Variants in LARS2 observed in about 807,000 individuals in gnomAD.
The protein encoded by LARS2 is leucine--tRNA ligase, mitochondrial.
Under a neutral mutation model 116.6 loss-of-function variants are expected in LARS2, and 81 were observed. The ratio of observed to expected loss-of-function variants is 0.69; its 90% CI spans 0.58 to 0.84. The LOEUF is 0.84. Among genes scored for constraint, LARS2 ranks in the 40% least tolerant of loss-of-function variants. The pLI is 0.00. For missense variants in LARS2, 968 were observed against 1,114.5 expected (o/e 0.87, Z 1.87); for synonymous variants, 396 against 407.2 (o/e 0.97, Z 0.33).
chr3:45,414,744 G>A (rs1428587317), intron 4 of LARS2, among the ~76,000 whole-genome samples: 1 of 150,632 alleles, frequency 6.6e-6, no homozygotes, highest in Non-Finnish European at 1.5e-5. Flanking sequence ...AAAAAAAAAA[G>A]GCAGCAAAAT....
intron 6 of LARS2, among the ~76,000 whole-genome samples, chr3:45,430,280 T>C (rs1698677094): frequency 7.0e-6 from 1 of 142,838 alleles, no homozygotes; most frequent in South Asian, 2.2e-4. Flanking sequence ...CCATTTTTTT[T>C]TTTTTTTAAT....
chr3:45,493,143 A>G (rs542419571), intron 13 of LARS2, among the ~76,000 whole-genome samples: 5 of 151,508 alleles, frequency 3.3e-5, no homozygotes, highest in Admixed American at 1.3e-4. Flanking sequence ...TCTGTCGCCC[A>G]GGCTGGAGTG....
intron 10 of LARS2, among the ~76,000 whole-genome samples, chr3:45,482,072 CT>C (rs1164437602): frequency 2.6e-5 from 4 of 152,266 alleles, no homozygotes; most frequent in South Asian, 4.1e-4. Flanking sequence ...GGTCATGTTA[CT>C]TTTTAACTCA....
chr3:45,394,275 A>G (rs1294580925), intron 2 of LARS2, among the ~76,000 whole-genome samples, 158 bp from the exon 3 acceptor site: 2 of 152,262 alleles, frequency 1.3e-5, no homozygotes, highest in African/African-American at 4.8e-5. Context: ...GTTTGTGTTT[A>G]GCTCAATTGA....
At position 45,541,836 on chromosome 3, in the gene LARS2, G is replaced by A. The variant is rs777212439; in HGVS notation, c.2412G>A (p.Ala804=). ...HVTSEIWAGL[A]LVPRKLCAHY... is the part of the protein sequence containing the mutation. ...TGTGCCTCGGCATTGCAGGCCTGGC[G>A]CTGGTGCCGAGGAAGCTCTGTGCCC... The change falls in exon 21 of 22, where the codon GCG becomes GCA. Residue 804 remains alanine (A), a synonymous_variant. Coordinates refer to ENST00000645846, the MANE Select transcript of LARS2 (RefSeq NM_015340.4). The A allele has an allele frequency of 2.0e-5, 32 of 1,614,014 alleles. No individual in the cohort carries two copies. The highest frequency in any genetic ancestry group is 1.3e-4 in the Admixed American group (8 of 60,010).
intron 15 of LARS2, among the ~76,000 whole-genome samples, chr3:45,504,012 C>G (rs1345327377): frequency 6.6e-6 from 1 of 152,030 alleles, no homozygotes; most frequent in East Asian, 1.9e-4. Flanking sequence ...GCATACATGT[C>G]CTTTGCTTCT....
intron 16 of LARS2, among the ~76,000 whole-genome samples, chr3:45,515,608 A>G (rs977748440): frequency 6.6e-6 from 1 of 152,200 alleles, no homozygotes; most frequent in African/African-American, 2.4e-5. Flanking sequence ...AGGGACCAAC[A>G]CATTTACCAT....
intron 7 of LARS2, among the ~76,000 whole-genome samples, chr3:45,457,637 C>A (rs1316479238): frequency 6.6e-6 from 1 of 152,100 alleles, no homozygotes; most frequent in African/African-American, 2.4e-5. Context: ...AAGATTGCAA[C>A]CATTGCAATC....
chr3:45,487,258 T>C (rs761146675), intron 11 of LARS2, among the ~76,000 whole-genome samples: 43 of 152,252 alleles, frequency 2.8e-4, no homozygotes, highest in Non-Finnish European at 2.9e-4. Context: ...GAACACCTTT[T>C]GGTAGTATAT....
chr3:45,403,183 G>A (rs1167046445), intron 4 of LARS2, among the ~76,000 whole-genome samples: 3 of 147,792 alleles, frequency 2.0e-5, no homozygotes, highest in South Asian at 4.3e-4. Context: ...TAAAGATAAA[G>A]ACAATTCTTT....
chr3:45,527,698 T>C (rs1397256014), intron 20 of LARS2, among the ~76,000 whole-genome samples: 1 of 152,100 alleles, frequency 6.6e-6, no homozygotes, highest in African/African-American at 2.4e-5. Flanking sequence ...AGTAAAGAAA[T>C]AGCAGTCCCT....
At chr3:45,394,321 T>C in intron 2 of LARS2, 112 bp from the exon 3 acceptor site, 1 of 621,848 alleles carries the variant, frequency 1.6e-6, no homozygotes, top group South Asian at 2.1e-5. Flanking sequence ...AAGAAATTAT[T>C]AAAAGTAAGA....
At chr3:45,466,096 A>G (rs997822794) in intron 8 of LARS2, among the ~76,000 whole-genome samples, 4 of 152,260 alleles carry the variant, frequency 2.6e-5, no homozygotes, top group African/African-American at 9.6e-5. Context: ...TTCTTATGGT[A>G]TATGGACAAT....
At chr3:45,538,121 C>T (rs762380497) in intron 20 of LARS2, among the ~76,000 whole-genome samples, 54 of 152,172 alleles carry the variant, frequency 3.5e-4, no homozygotes, top group Non-Finnish European at 6.2e-4. Context: ...AGCAAGGAGG[C>T]GAAAACGCTA....
chr3:45,500,451 C>G lies in LARS2; in HGVS notation c.1632C>G (p.Asn544Lys), dbSNP rs1403628485. The change falls in exon 15 of 22, where the codon AAC becomes AAG. Residue 544 changes from asparagine (N) to lysine (K), a missense_variant. By Grantham distance (94) the Asn-to-Lys change is moderately conservative (BLOSUM62 0). Coordinates refer to ENST00000645846, the MANE Select transcript of LARS2 (RefSeq NM_015340.4). ...CATCTCTTTTTTACAGCCCTTTTAACACAGCAGTGGCCGATTACTGGATGC... is the reference window on the plus strand; with the variant it reads ...CATCTCTTTTTTACAGCCCTTTTAAGACAGCAGTGGCCGATTACTGGATGC... ...TDPHNPHSPF[N>K]TAVADYWMPV... 11 of 1,603,422 alleles carry G rather than the reference C, an allele frequency of 6.9e-6. No individual in the cohort carries two copies. Among genetic ancestry groups the G allele is most frequent in the Non-Finnish European group, 6.8e-6 (8 of 1,177,008 alleles).
rs9880381 is a variant in LARS2, at chr3:45,534,047, T to C, written c.2405-7782T>C. Among the ~76,000 whole-genome samples the C allele has an allele frequency of 2.8e-3, 426 of 152,348 alleles. 6 individuals are homozygous for C. Among genetic ancestry groups the C allele is most frequent in the African/African-American group, 9.7e-3 (403 of 41,574 alleles). On this transcript the variant is annotated intron_variant, in intron 20 of 21. Transcript: ENST00000645846. ...TTTGTAGGAAAGCGGGAGAGAGCAG[T>C]TGGAGCAGTGGACATTGTGTTCATT...
intron 20 of LARS2, 35 bp from the exon 21 acceptor site, chr3:45,541,794 G>A (rs779509042): frequency 6.2e-7 from 1 of 1,611,996 alleles, no homozygotes; most frequent in East Asian, 2.2e-5. Context: ...CCTGTTCTTA[G>A]AGTGACCCCA....
At chr3:45,488,965 T>G (rs1309840156) in intron 12 of LARS2, among the ~76,000 whole-genome samples, 153 bp downstream of exon 12, 1 of 152,238 alleles carries the variant, frequency 6.6e-6, no homozygotes, top group Non-Finnish European at 1.5e-5. Flanking sequence ...ATAATATTCT[T>G]CAAGATCTAG....
At chr3:45,501,042 A>G (rs372426606) in intron 15 of LARS2, among the ~76,000 whole-genome samples, 6 of 151,184 alleles carry the variant, frequency 4.0e-5, no homozygotes, top group Admixed American at 1.3e-4. Context: ...CTGTTGGCCT[A>G]TTGTAACCCT....
Sources: gnomAD v4.1 joint callset for allele counts (sites outside exome capture counted in the v4.1 genomes callset) on GRCh38, gnomAD v4.1.1 for gene constraint, MANE v1.5 for transcripts, NCBI Gene and HGNC (gene_info 2026-07-23, HGNC 2026-07-21) for gene names.